Variants in NCAM2 observed in about 807,000 individuals in gnomAD.
NCAM2 encodes the protein N-CAM-2.
Under a neutral mutation model 98.1 loss-of-function variants are expected in NCAM2, and 30 were observed. The observed-to-expected ratio is 0.31, with a 90% CI of 0.23 to 0.41. NCAM2 has a LOEUF of 0.41. Ranked by LOEUF, NCAM2 falls within the 10% of genes least tolerant of loss-of-function variation. NCAM2 has a pLI of 1.00. For missense variants in NCAM2, 867 were observed against 1,005.8 expected, an observed-to-expected ratio of 0.86 and a Z score of 1.87; for synonymous variants, 368 against 342.4, an observed-to-expected ratio of 1.07 and a Z score of -0.83.
chr21:21,392,045 AC>A (rs1168922631), intron 9 of NCAM2, among the ~76,000 whole-genome samples: 1 of 152,118 alleles, frequency 6.6e-6, no homozygotes, highest in African/African-American at 2.4e-5. Flanking sequence ...TTATTTCATC[AC>A]CCAGGTATTA....
intron 10 of NCAM2, among the ~76,000 whole-genome samples, chr21:21,411,512 C>T (rs1231079297): frequency 6.6e-6 from 1 of 151,642 alleles, no homozygotes; most frequent in African/African-American, 2.4e-5. Context: ...TAAATACTGT[C>T]TGAATAAAGT....
At chr21:21,205,109 G>A (rs1371657454) in intron 1 of NCAM2, among the ~76,000 whole-genome samples, 1 of 152,122 alleles carries the variant, frequency 6.6e-6, no homozygotes, top group Admixed American at 6.6e-5. Flanking sequence ...GAGTCTAACG[G>A]TAAACCGTAT....
At chr21:21,233,499 T>C (rs2070708160) in intron 1 of NCAM2, among the ~76,000 whole-genome samples, 1 of 151,680 alleles carries the variant, frequency 6.6e-6, no homozygotes, top group South Asian at 2.1e-4. Context: ...CATATAGACA[T>C]TTTAATCAAA....
intron 12 of NCAM2, among the ~76,000 whole-genome samples, chr21:21,449,231 A>G (rs1980650117): frequency 6.6e-6 from 1 of 152,046 alleles, no homozygotes; most frequent in African/African-American, 2.4e-5. Flanking sequence ...AATCAAATAA[A>G]TAGTACAAAT....
At chr21:20,999,931 A>G (rs1401966306) in intron 1 of NCAM2, among the ~76,000 whole-genome samples, 1 of 152,164 alleles carries the variant, frequency 6.6e-6, no homozygotes. Flanking sequence ...ACACGATTGG[A>G]TGCAGATTTA....
chr21:21,394,418 T>C (rs1042663034), intron 9 of NCAM2, among the ~76,000 whole-genome samples: 6 of 149,548 alleles, frequency 4.0e-5, no homozygotes, highest in Non-Finnish European at 7.4e-5. Flanking sequence ...CAGTGAGTGT[T>C]ACAGGTTATT....
At chr21:21,036,779 C>T (rs11909928) in intron 1 of NCAM2, among the ~76,000 whole-genome samples, 36 of 152,116 alleles carry the variant, frequency 2.4e-4, no homozygotes, top group African/African-American at 4.1e-4. Context: ...GTTATGCAGA[C>T]GATAGTATTT....
chr21:21,441,068 C>A (rs1192061353), intron 12 of NCAM2, among the ~76,000 whole-genome samples: 1 of 152,162 alleles, frequency 6.6e-6, no homozygotes, highest in Non-Finnish European at 1.5e-5. Context: ...TTCTCTCTTG[C>A]TCATCATACT....
intron 1 of NCAM2, among the ~76,000 whole-genome samples, chr21:21,264,400 A>C (rs541730292): frequency 1.3e-5 from 2 of 152,184 alleles, no homozygotes; most frequent in East Asian, 3.9e-4. Context: ...ATCAATGGGA[A>C]TGTAAATTAG....
At chr21:21,193,031 C>A (rs894676138) in intron 1 of NCAM2, among the ~76,000 whole-genome samples, 1 of 152,126 alleles carries the variant, frequency 6.6e-6, no homozygotes, top group Non-Finnish European at 1.5e-5. Flanking sequence ...TTCAGATTAA[C>A]TTTTCTATTT....
At chr21:21,450,199 C>T (rs1383426520) in intron 12 of NCAM2, among the ~76,000 whole-genome samples, 1 of 151,758 alleles carries the variant, frequency 6.6e-6, no homozygotes, top group Admixed American at 6.6e-5. Context: ...AATAATCACA[C>T]TGAATAAATG....
At chr21:21,258,564 C>T (rs1340656893) in intron 1 of NCAM2, among the ~76,000 whole-genome samples, 1 of 152,090 alleles carries the variant, frequency 6.6e-6, no homozygotes, top group South Asian at 2.1e-4. Context: ...TGGGGAGGCC[C>T]TCCACCCTCA....
intron 1 of NCAM2, among the ~76,000 whole-genome samples, chr21:21,084,679 G>A (rs184961700): frequency 1.2e-4 from 19 of 152,234 alleles, no homozygotes; most frequent in Admixed American, 1.2e-3. Context: ...GATTAAGAAA[G>A]TGTTGTATTT....
intron 5 of NCAM2, among the ~76,000 whole-genome samples, chr21:21,293,051 G>T (rs1484072361): frequency 6.6e-6 from 1 of 151,774 alleles, no homozygotes; most frequent in Non-Finnish European, 1.5e-5. Context: ...AGAAGAGCAT[G>T]GGGAAAACCG....
intron 9 of NCAM2, among the ~76,000 whole-genome samples, chr21:21,403,578 T>C (rs1280850570): frequency 6.6e-6 from 1 of 152,346 alleles, no homozygotes; most frequent in South Asian, 2.1e-4. Context: ...CTAAATGGCT[T>C]ACTATTCATA....
intron 1 of NCAM2, among the ~76,000 whole-genome samples, chr21:21,090,598 C>A (rs964347213): frequency 6.6e-6 from 1 of 152,164 alleles, no homozygotes; most frequent in African/African-American, 2.4e-5. Context: ...GTGTGTATAT[C>A]TATACAGCAG....
chr21:21,372,792 T>C (rs1478699972), intron 8 of NCAM2, among the ~76,000 whole-genome samples: 1 of 151,784 alleles, frequency 6.6e-6, no homozygotes, highest in Non-Finnish European at 1.5e-5. Flanking sequence ...GGTATATTGA[T>C]AATAACTTTT....
intron 9 of NCAM2, among the ~76,000 whole-genome samples, chr21:21,407,741 T>C (rs1165731266): frequency 2.6e-5 from 4 of 152,212 alleles, no homozygotes; most frequent in African/African-American, 9.6e-5. Flanking sequence ...ATGAATTTCT[T>C]GTTGGATTGA....
At position 21,505,891 on chromosome 21, in the gene NCAM2, T is replaced by C. The variant is rs529288496; in HGVS notation, c.2078-2960T>C. On this transcript the variant is annotated intron_variant, in intron 15 of 17. Coordinates refer to ENST00000400546, the MANE Select transcript of NCAM2 (RefSeq NM_004540.5). ...AACAAACTTGTGACCTATTTTTGGT[T>C]GTTATTTTTATTATTACTGTCTCCA... Among the ~76,000 whole-genome samples the C allele has an allele frequency of 2.0e-5, 3 of 152,076 alleles. No individual in the cohort carries two copies. In the South Asian group the frequency reaches 6.2e-4, roughly 32 times the overall value.
Sources: allele counts gnomAD v4.1 joint callset (sites outside exome capture counted in the v4.1 genomes callset), GRCh38; gene constraint gnomAD v4.1.1; transcripts MANE v1.5; gene names NCBI Gene and HGNC (gene_info 2026-07-23, HGNC 2026-07-21).